The following TSHZ2 variants were observed in gnomAD, a reference collection of about 807,000 sequenced individuals.
The protein encoded by TSHZ2 is teashirt zinc finger homeobox 2.
In TSHZ2, 21 loss-of-function variants were observed where a neutral mutation model predicts 74.4. The observed-to-expected ratio is 0.28, with a 90% CI of 0.20 to 0.41. The LOEUF is 0.41. Among genes scored for constraint, TSHZ2 ranks in the 10% least tolerant of loss-of-function variants. The probability of loss-of-function intolerance (pLI) is 1.00; values close to 1 mark genes in which losing one functional copy is unlikely to be tolerated. For missense variants in TSHZ2, 1,244 were observed against 1,293.5 expected, an observed-to-expected ratio of 0.96 and a Z score of 0.59; for synonymous variants, 540 against 515.3, an observed-to-expected ratio of 1.05 and a Z score of -0.65.
At chr20:53,449,365 A>C (rs1462847419) in intron 2 of TSHZ2, among the ~76,000 whole-genome samples, 2 of 152,218 alleles carry the variant, frequency 1.3e-5, no homozygotes, top group Non-Finnish European at 2.9e-5. Context: ...TAAGCACACA[A>C]TAATTATATA....
At chr20:53,201,291 T>C (rs760586438) in intron 1 of TSHZ2, among the ~76,000 whole-genome samples, 22 of 152,204 alleles carry the variant, frequency 1.4e-4, no homozygotes, top group Non-Finnish European at 2.6e-4. Context: ...CCAGTTTCAC[T>C]GGGCTAAAAT....
At chr20:53,460,915 C>T (rs7344431) in intron 2 of TSHZ2, among the ~76,000 whole-genome samples, 6,193 of 152,310 alleles carry the variant, frequency 0.041, 406 homozygotes, top group African/African-American at 0.14. Context: ...TCTCCAGCTG[C>T]GTACTGGGAG....
At chr20:53,238,796 C>CATA (rs1477570487) in intron 1 of TSHZ2, among the ~76,000 whole-genome samples, 1 of 141,552 alleles carries the variant, frequency 7.1e-6, no homozygotes, top group East Asian at 2.3e-4. Flanking sequence ...CAGCCTGGAC[C>CATA]TTATGATGCT....
At chr20:53,201,122 G>A (rs774451080) in intron 1 of TSHZ2, among the ~76,000 whole-genome samples, 2 of 152,056 alleles carry the variant, frequency 1.3e-5, no homozygotes, top group Non-Finnish European at 2.9e-5. Context: ...TAAGAACAAT[G>A]GGAAATTATC....
intron 1 of TSHZ2, among the ~76,000 whole-genome samples, chr20:53,119,237 C>G (rs969013068): frequency 1.3e-5 from 2 of 152,140 alleles, no homozygotes; most frequent in Non-Finnish European, 2.9e-5. Context: ...TATTTTTCCA[C>G]AAAAGAAAGT....
At chr20:53,139,843 A>G (rs971294366) in intron 1 of TSHZ2, among the ~76,000 whole-genome samples, 7 of 152,216 alleles carry the variant, frequency 4.6e-5, no homozygotes, top group Non-Finnish European at 1.0e-4. Context: ...AACCATACCT[A>G]TCAGTGATAG....
Position 53,362,473 on chromosome 20 carries a change from C to G in TSHZ2, c.*8+105902C>G, listed in dbSNP as rs1046269138. On this transcript the variant is annotated intron_variant, in intron 2 of 2. Transcript: ENST00000371497. ...TGCTGGAATTACAGGCCTGAGCCAC[C>G]GTGCCCGGCCCACACAGTTTTTATA... is the stretch of plus-strand genomic sequence containing the variant. Among the ~76,000 whole-genome samples the G allele has an allele frequency of 3.9e-5, 6 of 152,290 alleles. No individual in the cohort carries two copies. The East Asian group carries it at 1.2e-3, about 29-fold the overall frequency.
intron 2 of TSHZ2, among the ~76,000 whole-genome samples, chr20:53,313,425 C>G (rs1004783208): frequency 2.0e-5 from 3 of 152,182 alleles, no homozygotes; most frequent in African/African-American, 7.2e-5. Context: ...AAGTATTGGG[C>G]TGCTTTAGGC....
At chr20:53,251,526 A>G (rs902286989) in intron 1 of TSHZ2, among the ~76,000 whole-genome samples, 2 of 152,180 alleles carry the variant, frequency 1.3e-5, no homozygotes, top group Non-Finnish European at 2.9e-5. Flanking sequence ...ACCGCTTATT[A>G]ATGGTTTTTT....
Position 53,490,157 on chromosome 20 carries a change from T to C in TSHZ2, c.*3022T>C, listed in dbSNP as rs912827172. The C allele has an allele frequency of 2.6e-5, 4 of 152,196 alleles. No homozygotes were observed. In the East Asian group the frequency reaches 7.7e-4, roughly 29 times the overall value. The allele number at this position is 152,196 out of a possible 1,614,324, so 9.4% of individuals were successfully genotyped here. The stretch of plus-strand genomic sequence containing the variant: ...CACCAACCAGCTGCAAATTGAGATG[T>C]CCATTTAAAAATTTATATGTCAATA... On this transcript the variant is annotated 3_prime_UTR_variant, in exon 3 of 3. Transcript: ENST00000371497.
chr20:53,241,391 C>A, intron 1 of TSHZ2, among the ~76,000 whole-genome samples: 1 of 152,106 alleles, frequency 6.6e-6, no homozygotes, highest in Non-Finnish European at 1.5e-5. Context: ...TGAAATAGGT[C>A]AGGATTTATT....
At chr20:53,066,331 G>A (rs547465780) in intron 1 of TSHZ2, among the ~76,000 whole-genome samples, 21 of 152,154 alleles carry the variant, frequency 1.4e-4, no homozygotes, top group Middle Eastern at 3.4e-3. Flanking sequence ...TCTCCGCTCC[G>A]AGTCTGAATG....
chr20:53,173,185 G>A (rs917004468), intron 1 of TSHZ2, among the ~76,000 whole-genome samples: 1 of 152,028 alleles, frequency 6.6e-6, no homozygotes, highest in Admixed American at 6.6e-5. Context: ...GAAGGCCAGG[G>A]GGAATAACTT....
intron 1 of TSHZ2, among the ~76,000 whole-genome samples, chr20:53,020,331 C>T (rs2123030664): frequency 6.6e-6 from 1 of 152,208 alleles, no homozygotes; most frequent in South Asian, 2.1e-4. Context: ...TTTTCTCAGT[C>T]TCATTTCATT....
chr20:53,213,725 A>G (rs1021015876), intron 1 of TSHZ2, among the ~76,000 whole-genome samples: 5 of 149,222 alleles, frequency 3.4e-5, no homozygotes, highest in Non-Finnish European at 7.4e-5. Flanking sequence ...ATTTCATGCC[A>G]ATGAACACTG....
At chr20:53,054,486 C>T (rs1467197828) in intron 1 of TSHZ2, among the ~76,000 whole-genome samples, 1 of 152,152 alleles carries the variant, frequency 6.6e-6, no homozygotes. Flanking sequence ...ACAGTGTGAA[C>T]AAAAGCAAAT....
intron 2 of TSHZ2, among the ~76,000 whole-genome samples, chr20:53,406,120 T>A (rs560985672): frequency 9.9e-5 from 15 of 151,368 alleles, no homozygotes; most frequent in African/African-American, 3.4e-4. Flanking sequence ...ACCTAAGTAG[T>A]GTGAAAGAGC....
At chr20:53,313,417 G>C (rs1417276984) in intron 2 of TSHZ2, among the ~76,000 whole-genome samples, 1 of 152,198 alleles carries the variant, frequency 6.6e-6, no homozygotes, top group Non-Finnish European at 1.5e-5. Flanking sequence ...TGAATATCAA[G>C]TATTGGGCTG....
intron 1 of TSHZ2, among the ~76,000 whole-genome samples, chr20:53,111,024 AAG>A (rs1248137080): frequency 6.6e-6 from 1 of 152,222 alleles, no homozygotes; most frequent in East Asian, 1.9e-4. Context: ...GGTTTTCAAA[AAG>A]TTCTCTGTGA....
Sources: allele counts gnomAD v4.1 joint callset (sites outside exome capture counted in the v4.1 genomes callset), GRCh38; gene constraint gnomAD v4.1.1; transcripts MANE v1.5; gene names NCBI Gene and HGNC (gene_info 2026-07-23, HGNC 2026-07-21).